Variants in KIFAP3 observed in about 807,000 individuals in gnomAD.
KIFAP3 encodes kinesin associated protein 3.
In KIFAP3, 68 loss-of-function variants were observed where a neutral mutation model predicts 106.5. That is an observed-to-expected ratio of 0.64 (90% CI 0.53 to 0.78). The LOEUF (loss-of-function observed/expected upper bound fraction) is 0.78. Among genes scored for constraint, KIFAP3 ranks in the 30% least tolerant of loss-of-function variants. KIFAP3 has a pLI of 0.00. For missense variants in KIFAP3, 780 were observed against 941.8 expected (o/e 0.83, Z 2.25); for synonymous variants, 320 against 311.5 (o/e 1.03, Z -0.29).
At chr1:170,059,015 A>C (rs1670995357) in intron 1 of KIFAP3, among the ~76,000 whole-genome samples, 1 of 152,210 alleles carries the variant, frequency 6.6e-6, no homozygotes, top group African/African-American at 2.4e-5. Flanking sequence ...GACACATTTA[A>C]AGCAGCATGT....
chr1:170,030,475 G>A (rs552238386), intron 8 of KIFAP3, among the ~76,000 whole-genome samples: 43 of 151,820 alleles, frequency 2.8e-4, no homozygotes, highest in South Asian at 2.1e-3. Flanking sequence ...CCATCATTAG[G>A]TATTTAACTA....
At chr1:169,991,332 C>G (rs533038948) in intron 11 of KIFAP3, among the ~76,000 whole-genome samples, 1 of 124,310 alleles carries the variant, frequency 8.0e-6, no homozygotes, top group South Asian at 3.0e-4. Flanking sequence ...GGCAACAGAG[C>G]AAGATCCTGT....
At position 169,982,768 on chromosome 1, in the gene KIFAP3, A is replaced by C; in HGVS notation, c.1606T>G (p.Leu536Val). The C allele has an allele frequency of 6.2e-7, 1 of 1,610,548 alleles. No individual in the cohort carries two copies. The highest frequency in any genetic ancestry group is 8.5e-7 in the Non-Finnish European group (1 of 1,177,746). ...TCTTTAAGAACCAATTCCCAGTCTA[A>C]GTCTGGAATGGTCAAGTTTGCAAGA... ...GTLANLTIPD[L>V]DWELVLKEYK... The change falls in exon 14 of 20, where the codon TTA becomes GTA. Residue 536 changes from leucine to valine, a missense_variant. Around this residue, in one of 3 missense-constraint regions of KIFAP3, gnomAD observed 588 missense variants for 678.9 expected, o/e 0.87. Transcript: ENST00000361580.
In KIFAP3 at chr1:170,065,613, CAAAAAAAAAAAAAAA is replaced by C. The variant is rs71125225; in HGVS notation, c.32+8808_32+8822del. On this transcript the variant is annotated intron_variant, in intron 1 of 19. Transcript: ENST00000361580. The stretch of plus-strand genomic sequence containing the variant: ...TGGGCGACAGAGCAAGACTCCACCT[CAAAAAAAAAAAAAAA>C]AAAAAAAAAAAGAAATATTGGTAAT... 1.6e-4 allele frequency among the ~76,000 whole-genome samples: 8 copies of C among 49,876 alleles called. No homozygotes were observed. In the East Asian group the frequency reaches 2.3e-3, roughly 15 times the overall value. 32.7% of individuals were successfully genotyped at this position (49,876 alleles called of 152,430 possible).
intron 2 of KIFAP3, among the ~76,000 whole-genome samples, chr1:170,051,963 G>A (rs571398): frequency 0.76 from 114,869 of 151,928 alleles, 43,784 homozygotes; most frequent in East Asian, 0.99. Context: ...ACAAAGTCAA[G>A]AGCCAGCAGA....
intron 14 of KIFAP3, 58 bp downstream of exon 14, chr1:169,982,644 T>G: frequency 8.4e-7 from 1 of 1,193,096 alleles, no homozygotes; most frequent in Non-Finnish European, 1.2e-6. Context: ...AGCAGCCTTA[T>G]CCATAACAGA....
chr1:170,021,941 C>CTTTTTTTT (rs71125221), intron 9 of KIFAP3, among the ~76,000 whole-genome samples: 140 of 77,916 alleles, frequency 1.8e-3, no homozygotes, highest in Non-Finnish European at 2.6e-3. Context: ...TCTTTTCTTT[C>CTTTTTTTT]TTTTTTTTTT....
At chr1:169,997,432 ATCC>A (rs1571629620) in intron 10 of KIFAP3, among the ~76,000 whole-genome samples, 1 of 152,128 alleles carries the variant, frequency 6.6e-6, no homozygotes, top group East Asian at 1.9e-4. Context: ...TGTGTTTTTT[ATCC>A]TCAAGACTTG....
At chr1:170,084,342 G>A (rs1380879455) in intron 1 of KIFAP3, among the ~76,000 whole-genome samples, 1 of 152,166 alleles carries the variant, frequency 6.6e-6, no homozygotes, top group African/African-American at 2.4e-5. Flanking sequence ...GATTAAAAAG[G>A]CATAAAATCA....
intron 11 of KIFAP3, among the ~76,000 whole-genome samples, chr1:169,986,575 A>G (rs1170549757): frequency 6.6e-6 from 1 of 152,044 alleles, no homozygotes. Flanking sequence ...CTGGATATAT[A>G]TTTAACAGAT....
intron 19 of KIFAP3, among the ~76,000 whole-genome samples, chr1:169,948,298 T>C (rs1473460550): frequency 2.0e-5 from 3 of 151,898 alleles, no homozygotes; most frequent in African/African-American, 4.8e-5. Flanking sequence ...GTCTGCTTTA[T>C]TTTGTAAACA....
At chr1:169,938,353 C>T (rs2101803227) in intron 19 of KIFAP3, among the ~76,000 whole-genome samples, 1 of 151,964 alleles carries the variant, frequency 6.6e-6, no homozygotes, top group South Asian at 2.1e-4. Context: ...ATAGCATAGG[C>T]TCCTATCAAC....
At chr1:169,928,704 A>AAAAAAAAAAAAAAAAAAAAAAAAAT in intron 19 of KIFAP3, among the ~76,000 whole-genome samples, 1 of 148,624 alleles carries the variant, frequency 6.7e-6, no homozygotes, top group Admixed American at 6.7e-5. Flanking sequence ...GTCTCCAAAA[A>AAAAAAAAAAAAAAAAAAAAAAAAAT]AAAAAAAAAA....
Position 170,016,537 on chromosome 1 carries a change from T to G in KIFAP3, c.1108A>C (p.Asn370His). The change falls in exon 10 of 20, where the codon AAC becomes CAC. Residue 370 changes from asparagine (N) to histidine (H), a missense_variant. Transcript: ENST00000361580. Reference protein sequence around the residue: ...LLNITLRLLLNLSFDTGLRNK... With the variant: ...LLNITLRLLLHLSFDTGLRNK... ...CTCAGTCCTGTGTCAAAGGATAGGT[T>G]TAGTAAAAGTCGGAGGGTGATATTC... 6.2e-7 allele frequency: 1 copy of G among 1,609,242 alleles called. No homozygotes were observed. The highest frequency in any genetic ancestry group is 8.5e-7 in the Non-Finnish European group (1 of 1,178,030).
intron 12 of KIFAP3, among the ~76,000 whole-genome samples, 166 bp from the exon 13 acceptor site, chr1:169,983,548 G>A (rs772641904): frequency 6.8e-4 from 103 of 151,814 alleles, no homozygotes; most frequent in Non-Finnish European, 1.1e-3. Context: ...TCAACATACA[G>A]AGTATTTTCA....
At chr1:169,995,201 C>A (rs775752692) in intron 10 of KIFAP3, among the ~76,000 whole-genome samples, 2 of 151,994 alleles carry the variant, frequency 1.3e-5, no homozygotes, top group African/African-American at 4.8e-5. Context: ...GCACATTTGC[C>A]ATAGCAAAAC....
chr1:170,041,912 G>C (rs1670001217), intron 3 of KIFAP3: 1 of 1,305,846 alleles, frequency 7.7e-7, no homozygotes, highest in African/African-American at 1.5e-5. Context: ...TTTGGGGGAA[G>C]TACTCCTGGG....
At chr1:170,033,884 T>A (rs532546163) in intron 7 of KIFAP3, among the ~76,000 whole-genome samples, 1 of 152,012 alleles carries the variant, frequency 6.6e-6, no homozygotes, top group East Asian at 1.9e-4. Context: ...ACAGGTTCTA[T>A]TATTCTATAG....
At chr1:169,956,611 T>C (rs1665025186) in intron 18 of KIFAP3, among the ~76,000 whole-genome samples, 1 of 35,970 alleles carries the variant, frequency 2.8e-5, no homozygotes, top group African/African-American at 6.0e-5. Context: ...ACTGAAGTTC[T>C]TTTTTTTTTT....
Sources: allele counts gnomAD v4.1 joint callset (sites outside exome capture counted in the v4.1 genomes callset), GRCh38; gene constraint gnomAD v4.1.1; regional missense constraint gnomAD v4.1.1; transcripts MANE v1.5; gene names NCBI Gene and HGNC (gene_info 2026-07-23, HGNC 2026-07-21).